Variants in TASP1 observed in about 807,000 individuals in gnomAD.
The protein encoded by TASP1 is taspase 1, also known as threonine aspartase 1.
In TASP1, 16 loss-of-function variants were observed where a neutral mutation model predicts 56.6. The ratio of observed to expected loss-of-function variants is 0.28; its 90% confidence interval spans 0.19 to 0.43. The LOEUF (loss-of-function observed/expected upper bound fraction) is 0.43. Ranked by LOEUF, TASP1 falls within the 20% of genes least tolerant of loss-of-function variation. The pLI is 1.00. For synonymous variants in TASP1, 179 were observed against 184.2 expected (o/e 0.97, Z 0.23); for missense variants, 393 against 511.6 (o/e 0.77, Z 2.24).
At chr20:13,613,942 T>C (rs1282589251) in intron 4 of TASP1, among the ~76,000 whole-genome samples, 1 of 152,194 alleles carries the variant, frequency 6.6e-6, no homozygotes, top group Non-Finnish European at 1.5e-5. Context: ...CTTTCCATTT[T>C]TGTTCTGTAA....
chr20:13,217,886 T>G, the TASP1 span, among the ~76,000 whole-genome samples: 7 of 152,312 alleles, frequency 4.6e-5, no homozygotes, highest in South Asian at 1.4e-3. Flanking sequence ...ATATTCCTGG[T>G]CCAATTTTTC....
chr20:13,539,917 C>T (rs897543412), intron 8 of TASP1, among the ~76,000 whole-genome samples: 1 of 151,868 alleles, frequency 6.6e-6, no homozygotes, highest in Non-Finnish European at 1.5e-5. Flanking sequence ...TTTGAAGGGC[C>T]TCAGAGTGCA....
chr20:13,625,353 A>G (rs1325259972), intron 2 of TASP1, 101 bp from the exon 3 acceptor site: 2 of 902,994 alleles, frequency 2.2e-6, no homozygotes, highest in Non-Finnish European at 3.3e-6. Flanking sequence ...CTAGTAAAAA[A>G]CAAAACTATT....
At chr20:13,211,227 T>C in the TASP1 span, among the ~76,000 whole-genome samples, 1 of 152,208 alleles carries the variant, frequency 6.6e-6, no homozygotes, top group Non-Finnish European at 1.5e-5. Context: ...TATAGGTTTA[T>C]CACATTTTGA....
chr20:13,628,516 T>C (rs2048977295), intron 2 of TASP1, among the ~76,000 whole-genome samples: 1 of 152,210 alleles, frequency 6.6e-6, no homozygotes, highest in Admixed American at 6.5e-5. Context: ...GGATTAAACC[T>C]GGTTTCTGGT....
At chr20:13,145,815 G>C in the TASP1 span, among the ~76,000 whole-genome samples, 11 of 152,168 alleles carry the variant, frequency 7.2e-5, no homozygotes, top group African/African-American at 2.7e-4. Flanking sequence ...GAACAGAATA[G>C]AGTGCTCAGA....
chr20:13,452,814 A>C (rs180843425), intron 11 of TASP1, among the ~76,000 whole-genome samples: 42 of 152,252 alleles, frequency 2.8e-4, no homozygotes, highest in South Asian at 1.7e-3. Flanking sequence ...CTGAGCAAAC[A>C]CTAGATAATC....
At chr20:13,244,162 A>C in the TASP1 span, 4 of 152,236 alleles carry the variant, frequency 2.6e-5, no homozygotes, top group African/African-American at 9.6e-5. Flanking sequence ...ACCTAGGCAG[A>C]GAGAAAACTT....
intron 12 of TASP1, among the ~76,000 whole-genome samples, chr20:13,424,674 A>G (rs2042560322): frequency 6.6e-6 from 1 of 152,056 alleles, no homozygotes; most frequent in Non-Finnish European, 1.5e-5. Flanking sequence ...TTCAGTAATG[A>G]CCATTTTCCT....
intron 10 of TASP1, among the ~76,000 whole-genome samples, chr20:13,524,054 C>CA (rs1192595900): frequency 6.6e-6 from 1 of 151,774 alleles, no homozygotes; most frequent in Non-Finnish European, 1.5e-5. Context: ...GAGGCTGAGG[C>CA]AGGAGGATCA....
At chr20:13,282,904 C>A in the TASP1 span, among the ~76,000 whole-genome samples, 1 of 152,216 alleles carries the variant, frequency 6.6e-6, no homozygotes, top group Non-Finnish European at 1.5e-5. Flanking sequence ...ATTGTAGGTG[C>A]TCAGTAGCAT....
chr20:13,534,999 T>C (rs1281908517), intron 8 of TASP1, among the ~76,000 whole-genome samples: 2 of 152,130 alleles, frequency 1.3e-5, no homozygotes, highest in Admixed American at 6.5e-5. Flanking sequence ...GTAGTCATGG[T>C]GGTGTTCTTA....
intron 11 of TASP1, among the ~76,000 whole-genome samples, chr20:13,469,606 T>C (rs904040502): frequency 6.6e-5 from 10 of 152,136 alleles, no homozygotes; most frequent in African/African-American, 2.4e-4. Flanking sequence ...ACTGACTCAG[T>C]ATCATCCCAA....
chr20:13,250,878 G>A, the TASP1 span, among the ~76,000 whole-genome samples: 6 of 152,184 alleles, frequency 3.9e-5, no homozygotes, highest in East Asian at 1.2e-3. Flanking sequence ...TTTGGGATGA[G>A]TGTGGCTTAC....
At chr20:13,291,023 C>G in the TASP1 span, among the ~76,000 whole-genome samples, 1 of 152,188 alleles carries the variant, frequency 6.6e-6, no homozygotes, top group Non-Finnish European at 1.5e-5. Flanking sequence ...ACACAGATAG[C>G]ATTTGAAGTC....
At chr20:13,459,954 C>G (rs550905683) in intron 11 of TASP1, among the ~76,000 whole-genome samples, 80 of 152,166 alleles carry the variant, frequency 5.3e-4, no homozygotes, top group Non-Finnish European at 9.4e-4. Flanking sequence ...GAAAAACATA[C>G]ACATTTGTCT....
In TASP1 at chr20:13,638,283, A is replaced by C. The variant is rs191091232; in HGVS notation, c.-75+611T>G. The stretch of plus-strand genomic sequence containing the variant: ...AACACACCTTTCCTTCCCCTCCCCT[A>C]CAGAAGCCAGGAAAGTTGAACTCTC... On this transcript the variant is annotated intron_variant, in intron 1 of 13. Coordinates refer to ENST00000337743, the MANE Select transcript of TASP1 (RefSeq NM_017714.3). Among the ~76,000 whole-genome samples the C allele has an allele frequency of 4.3e-4, 65 of 151,914 alleles. No individual in the cohort carries two copies. In the East Asian group the frequency reaches 0.011, roughly 26 times the overall value.
intron 4 of TASP1, among the ~76,000 whole-genome samples, 174 bp from the exon 5 acceptor site, chr20:13,587,544 AG>A (rs1367554977): frequency 6.6e-6 from 1 of 152,080 alleles, no homozygotes; most frequent in Non-Finnish European, 1.5e-5. Flanking sequence ...AGCAAAGTAC[AG>A]ATCAATATAC....
chr20:13,470,852 C>T (rs2044463219), intron 11 of TASP1, among the ~76,000 whole-genome samples: 1 of 152,216 alleles, frequency 6.6e-6, no homozygotes, highest in African/African-American at 2.4e-5. Context: ...CTCTTAATGC[C>T]TAACCCCAAA....
Sources: allele counts gnomAD v4.1 joint callset (sites outside exome capture counted in the v4.1 genomes callset), GRCh38; gene constraint gnomAD v4.1.1; transcripts MANE v1.5; gene names NCBI Gene and HGNC (gene_info 2026-07-23, HGNC 2026-07-21).